Variants in SYNE1 observed in about 807,000 individuals in gnomAD.
SYNE1 encodes the protein spectrin repeat containing nuclear envelope protein 1, also known as nesprin-1.
Under a neutral mutation model 1,111.0 loss-of-function variants are expected in SYNE1, and 616 were observed. The ratio of observed to expected loss-of-function variants is 0.55; its 90% CI spans 0.52 to 0.59. The LOEUF is 0.59. SYNE1 is among the 20% of genes least tolerant of loss of function. The pLI is 0.00. For synonymous variants in SYNE1, 3,855 were observed against 3,825.8 expected, an observed-to-expected ratio of 1.01 and a Z score of -0.28; for missense variants, 10,006 against 10,417.0, an observed-to-expected ratio of 0.96 and a Z score of 1.72.
At chr6:152,582,071 G>A (rs1390349858) in intron 3 of SYNE1, among the ~76,000 whole-genome samples, 1 of 152,108 alleles carries the variant, frequency 6.6e-6, no homozygotes, top group East Asian at 1.9e-4. Flanking sequence ...AGAGCTAGTT[G>A]TATGACATAC....
chr6:152,481,582 G>C, intron 14 of SYNE1: 1 of 450,308 alleles, frequency 2.2e-6, no homozygotes, highest in Non-Finnish European at 4.4e-6. Context: ...ACAAATGCCA[G>C]TTAAGGTAAA....
In SYNE1 at chr6:152,133,245, T is replaced by C. The variant is rs374954362; in HGVS notation, c.26001+31A>G. ...TGCTTCTTTGGTCTCCAGTAAGAAATGCTACACGATGATGTCTGTTTATTG... is the reference window on the plus strand; with the variant it reads ...TGCTTCTTTGGTCTCCAGTAAGAAACGCTACACGATGATGTCTGTTTATTG... On this transcript the variant is annotated intron_variant, in intron 143 of 145. Coordinates refer to ENST00000367255, the MANE Select transcript of SYNE1 (RefSeq NM_182961.4). 2.5e-5 allele frequency: 40 copies of C among 1,597,948 alleles called. 1 individual carries two copies. In the African/African-American group the frequency reaches 3.5e-4, roughly 14 times the overall value.
chr6:152,322,737 A>G (rs528784512), intron 82 of SYNE1, among the ~76,000 whole-genome samples: 2 of 152,188 alleles, frequency 1.3e-5, no homozygotes, highest in South Asian at 4.2e-4. Context: ...TGACACGTTT[A>G]TTCCTTTCTT....
intron 16 of SYNE1, among the ~76,000 whole-genome samples, chr6:152,469,029 A>T (rs1360383558): frequency 6.6e-6 from 1 of 152,052 alleles, no homozygotes; most frequent in Non-Finnish European, 1.5e-5. Flanking sequence ...TCTTCAACCT[A>T]AGCCTCCCAA....
rs1441137474 is a variant in SYNE1, at chr6:152,441,115, G to C, written c.4149+15C>G. ...GTTTTTTCTGAATATTGGGTACCAAGGAGCCATAATATACCTTTGTTTGTT... is the reference window on the plus strand; with the variant it reads ...GTTTTTTCTGAATATTGGGTACCAACGAGCCATAATATACCTTTGTTTGTT... On this transcript the variant is annotated intron_variant, in intron 32 of 145. Transcript: ENST00000367255. 3 of 1,612,932 alleles carry C rather than the reference G, an allele frequency of 1.9e-6. No individual in the cohort carries two copies. Among genetic ancestry groups the C allele is most frequent in the Non-Finnish European group, 2.5e-6 (3 of 1,179,856 alleles).
chr6:152,442,344 G>T, intron 30 of SYNE1, 99 bp from the exon 31 acceptor site: 2 of 1,422,496 alleles, frequency 1.4e-6, no homozygotes, highest in Non-Finnish European at 2.0e-6. Context: ...AGAAAGGTGG[G>T]CCCGAAATGT....
At chr6:152,496,441 G>A (rs2098999782) in intron 11 of SYNE1, among the ~76,000 whole-genome samples, 1 of 152,120 alleles carries the variant, frequency 6.6e-6, no homozygotes, top group Non-Finnish European at 1.5e-5. Context: ...CCAATTCTTA[G>A]TCCTTTATTA....
chr6:152,636,662 T>A lies in SYNE1; in HGVS notation c.-248A>T, dbSNP rs1398466036. On this transcript the variant is annotated 5_prime_UTR_variant, in exon 2 of 146. Transcript: ENST00000367255. ...CCTTCTCTCTCGGCCTCGTTCAGTTTCCCAGCAGCAAGGCGAAGCGAGCGA... is the reference window on the plus strand; with the variant it reads ...CCTTCTCTCTCGGCCTCGTTCAGTTACCCAGCAGCAAGGCGAAGCGAGCGA... The A allele has an allele frequency of 1.3e-5, 2 of 152,676 alleles. No individual in the cohort carries two copies. Among genetic ancestry groups the A allele is most frequent in the East Asian group, 3.9e-4 (2 of 5,160 alleles). 9.5% of individuals were successfully genotyped at this position (152,676 alleles called of 1,614,324 possible).
intron 3 of SYNE1, among the ~76,000 whole-genome samples, chr6:152,544,902 G>C (rs917153310): frequency 2.6e-5 from 4 of 152,124 alleles, no homozygotes; most frequent in Non-Finnish European, 5.9e-5. Context: ...ATATTGTCTA[G>C]AAACATGTTA....
Position 152,281,816 on chromosome 6 carries a change from C to T in SYNE1, c.18372G>A (p.Met6124Ile). The T allele has an allele frequency of 6.2e-7, 1 of 1,614,082 alleles. No individual in the cohort carries two copies. Among genetic ancestry groups the T allele is most frequent in the Non-Finnish European group, 8.5e-7 (1 of 1,180,014 alleles). Residue 6124 changes from methionine to isoleucine, a missense_variant, in exon 97 of 146, where the codon ATG (methionine) becomes ATA (isoleucine). Met to Ile is a conservative substitution (Grantham distance 10, BLOSUM62 1). Transcript: ENST00000367255. ...KEPMDMEAQL[M>I]DCQNMLVEIE... ...GAGACCATTTTGGTACCTGGCAGTCCATAAGCTGGGCCTCCATGTCCATGG... is the reference window on the plus strand; with the variant it reads ...GAGACCATTTTGGTACCTGGCAGTCTATAAGCTGGGCCTCCATGTCCATGG...
intron 112 of SYNE1, among the ~76,000 whole-genome samples, chr6:152,233,078 G>A (rs2083161291): frequency 6.6e-6 from 1 of 152,134 alleles, no homozygotes. Flanking sequence ...CAGATAAGAG[G>A]ATTATTTACA....
At chr6:152,343,271 G>A (rs1380749408) in intron 74 of SYNE1, among the ~76,000 whole-genome samples, 1 of 150,930 alleles carries the variant, frequency 6.6e-6, no homozygotes, top group Non-Finnish European at 1.5e-5. Context: ...CAATTTTCGT[G>A]CTTCAGCTTC....
Position 152,326,640 on chromosome 6 carries a change from AAC to A in SYNE1, c.14956-9_14956-8del. On this transcript the variant is annotated splice_region_variant and splice_polypyrimidine_tract_variant and intron_variant, in intron 78 of 145. Coordinates refer to ENST00000367255, the MANE Select transcript of SYNE1 (RefSeq NM_182961.4). ...ATATTTCAGTCAAGGTAGCCTGAAA[AAC>A]AGCAATTGCAAACATAATCAACTCT... 1 of 1,611,974 alleles carries A rather than the reference AAC, an allele frequency of 6.2e-7. No individual in the cohort carries two copies. Among genetic ancestry groups the A allele is most frequent in the Non-Finnish European group, 8.5e-7 (1 of 1,179,356 alleles).
chr6:152,411,186 G>A (rs539649493), intron 42 of SYNE1, among the ~76,000 whole-genome samples: 16 of 152,042 alleles, frequency 1.1e-4, no homozygotes, highest in Middle Eastern at 3.4e-3. Flanking sequence ...TTTCTCCACC[G>A]AACTTTCTTT....
intron 39 of SYNE1, among the ~76,000 whole-genome samples, chr6:152,424,908 G>A (rs899232034): frequency 6.6e-6 from 1 of 152,176 alleles, no homozygotes; most frequent in Non-Finnish European, 1.5e-5. Flanking sequence ...GATGCCAATT[G>A]TTAATCACCT....
chr6:152,560,253 C>T (rs1042019005), intron 3 of SYNE1, among the ~76,000 whole-genome samples: 1 of 152,126 alleles, frequency 6.6e-6, no homozygotes, highest in Non-Finnish European at 1.5e-5. Flanking sequence ...ATAGTCCCAG[C>T]TACTCGGGAG....
At chr6:152,471,303 A>C (rs931019976) in intron 16 of SYNE1, among the ~76,000 whole-genome samples, 1 of 152,206 alleles carries the variant, frequency 6.6e-6, no homozygotes, top group African/African-American at 2.4e-5. Flanking sequence ...GTGGGTATGC[A>C]ATACAAAAAC....
chr6:152,455,696 T>G (rs912901985), intron 23 of SYNE1, 106 bp from the exon 24 acceptor site: 2 of 1,477,632 alleles, frequency 1.4e-6, no homozygotes, highest in Non-Finnish European at 1.9e-6. Flanking sequence ...AAAAAGACAT[T>G]TCATCATCAT....
At position 152,330,439 on chromosome 6, in the gene SYNE1, GGCT is replaced by G. The variant is rs779391074; in HGVS notation, c.14243_14245del (p.Gln4748del). Reference sequence around the variant, plus strand: ...GGTGACAAGGTGCAGCATCTTGTCTGGCTGCCAAGGCTGACCTGTGCTGCGAAA... The same window carrying G: ...GGTGACAAGGTGCAGCATCTTGTCTGGCCAAGGCTGACCTGTGCTGCGAAA... On this transcript the variant is annotated inframe_deletion, in exon 78 of 146. Transcript: ENST00000367255. The G allele has an allele frequency of 6.2e-7, 1 of 1,614,146 alleles. No individual in the cohort carries two copies. Among genetic ancestry groups the G allele is most frequent in the Admixed American group, 1.7e-5 (1 of 60,016 alleles).
Sources: gnomAD v4.1 joint callset for allele counts (sites outside exome capture counted in the v4.1 genomes callset) on GRCh38, gnomAD v4.1.1 for gene constraint, MANE v1.5 for transcripts, NCBI Gene and HGNC (gene_info 2026-07-23, HGNC 2026-07-21) for gene names.